Variants in SLC23A2 observed in about 807,000 individuals in gnomAD.
The protein encoded by SLC23A2 is solute carrier family 23 member 2.
SLC23A2 carries 36 observed loss-of-function variants against 73.3 expected under a neutral mutation model. The observed-to-expected ratio is 0.49, with a 90% CI of 0.38 to 0.65. The LOEUF (loss-of-function observed/expected upper bound fraction) is 0.65, where lower values mean the gene tolerates loss of function less well. Among genes scored for constraint, SLC23A2 ranks in the 30% least tolerant of loss-of-function variants. The pLI is 0.00. For missense variants in SLC23A2, 507 were observed against 841.6 expected (o/e 0.60, Z 4.92); for synonymous variants, 343 against 327.3 (o/e 1.05, Z -0.52).
In SLC23A2 at chr20:4,861,915, T is replaced by C. The variant is rs773503934; in HGVS notation, c.1624+33A>G. The C allele has an allele frequency of 3.7e-6, 6 of 1,609,474 alleles. No homozygotes were observed. The South Asian group carries it at 5.5e-5, about 15-fold the overall frequency. ...GTGGACTGGCGGCTGTGGTTCCAGC[T>C]CCCACTCCAAGATGTAAAGCCCATT... On this transcript the variant is annotated intron_variant, in intron 15 of 16. Transcript: ENST00000338244.
Position 4,854,223 on chromosome 20 carries a change from A to C in SLC23A2, c.*2749T>G, listed in dbSNP as rs1639967742. The C allele has an allele frequency of 6.6e-6, 1 of 152,256 alleles. No individual in the cohort carries two copies. Among genetic ancestry groups the C allele is most frequent in the Non-Finnish European group, 1.5e-5 (1 of 68,060 alleles). 9.4% of individuals were successfully genotyped at this position (152,256 alleles called of 1,614,324 possible). On this transcript the variant is annotated 3_prime_UTR_variant, in exon 17 of 17. Coordinates refer to ENST00000338244, the MANE Select transcript of SLC23A2 (RefSeq NM_005116.6). ...CCCAGCAACGCAGGCCAATGATGTG[A>C]ATGGGAAGTGTCATGACACAGACCG...
At chr20:4,942,374 C>CAAAAAAAAA (rs1216270773) in intron 2 of SLC23A2, among the ~76,000 whole-genome samples, 42 of 47,400 alleles carry the variant, frequency 8.9e-4, no homozygotes, top group African/African-American at 2.3e-3. Flanking sequence ...GCTACAGTCT[C>CAAAAAAAAA]AAAAAAAAAA....
At chr20:5,005,700 G>T (rs2088182903), upstream of SLC23A2, among the ~76,000 whole-genome samples, 1 of 152,172 alleles carries the variant, frequency 6.6e-6, no homozygotes, top group African/African-American at 2.4e-5. Context: ...CTTATATAAT[G>T]ATAGGGGCCA....
At chr20:4,913,419 A>C (rs1462541589) in intron 3 of SLC23A2, among the ~76,000 whole-genome samples, 1 of 152,212 alleles carries the variant, frequency 6.6e-6, no homozygotes, top group East Asian at 1.9e-4. Flanking sequence ...ACTCCTCGGT[A>C]AGGGGCCACA....
At chr20:4,993,857 G>A (rs1033623733) in intron 1 of SLC23A2, among the ~76,000 whole-genome samples, 1 of 152,124 alleles carries the variant, frequency 6.6e-6, no homozygotes, top group Non-Finnish European at 1.5e-5. Context: ...TTGAGCTCAA[G>A]AGTTCGAGAC....
At chr20:4,877,761 C>G (rs1005802174) in intron 9 of SLC23A2, among the ~76,000 whole-genome samples, 14 of 152,128 alleles carry the variant, frequency 9.2e-5, no homozygotes, top group African/African-American at 3.4e-4. Context: ...TTAAACTATT[C>G]TCTTCACTTC....
intron 2 of SLC23A2, among the ~76,000 whole-genome samples, chr20:4,951,544 G>A (rs375650882): frequency 5.3e-5 from 8 of 152,150 alleles, no homozygotes; most frequent in African/African-American, 1.9e-4. Context: ...CAGCTATGCT[G>A]TATGATTCCA....
rs192150226 is a variant in SLC23A2, at chr20:4,857,834, G to A, written c.1721-630C>T. Among the ~76,000 whole-genome samples, 93 of 152,198 alleles carry A rather than the reference G, an allele frequency of 6.1e-4. No homozygotes were observed. The highest frequency in any genetic ancestry group is 4.4e-3 in the Admixed American group (68 of 15,286). On this transcript the variant is annotated intron_variant, in intron 16 of 16. Coordinates refer to ENST00000338244, the MANE Select transcript of SLC23A2 (RefSeq NM_005116.6). The surrounding 1 kb of genome is among the most constrained non-coding windows in gnomAD (Gnocchi z 4.0). Reference sequence around the variant, plus strand: ...TAATCTTAACTACTCAGGAGGCTGAGACAGGAGAATTGCTTGAACCCGAGA... The same window carrying A: ...TAATCTTAACTACTCAGGAGGCTGAAACAGGAGAATTGCTTGAACCCGAGA...
chr20:4,982,262 G>C (rs1194004761), intron 1 of SLC23A2, among the ~76,000 whole-genome samples: 1 of 152,150 alleles, frequency 6.6e-6, no homozygotes, highest in Admixed American at 6.5e-5. Flanking sequence ...CAAAGCACTG[G>C]GATTACAGGC....
At chr20:4,984,914 G>A (rs1369055772) in intron 1 of SLC23A2, among the ~76,000 whole-genome samples, 9 of 152,132 alleles carry the variant, frequency 5.9e-5, no homozygotes, top group South Asian at 2.1e-4. Flanking sequence ...CAATGCGGGC[G>A]GATCATGAGG....
intron 2 of SLC23A2, among the ~76,000 whole-genome samples, chr20:4,967,356 TC>T (rs754168687): frequency 3.3e-5 from 5 of 152,198 alleles, no homozygotes; most frequent in Non-Finnish European, 7.3e-5. Context: ...CTGGTCTTAA[TC>T]CAACACTAAC....
intron 2 of SLC23A2, among the ~76,000 whole-genome samples, chr20:4,940,291 G>A (rs1269441913): frequency 6.6e-6 from 1 of 151,776 alleles, no homozygotes; most frequent in South Asian, 2.1e-4. Flanking sequence ...CTACAGCCTG[G>A]GTGGCAGAGT....
At chr20:5,007,124 G>A (rs1433567774) in intron 1 of SLC23A2, among the ~76,000 whole-genome samples, 2 of 152,060 alleles carry the variant, frequency 1.3e-5, no homozygotes, top group African/African-American at 2.4e-5. Flanking sequence ...TGTATACCAC[G>A]TAGGCTTCTC....
chr20:4,872,112 G>A lies in SLC23A2; in HGVS notation c.1102+1824C>T, dbSNP rs1930471570. Among the ~76,000 whole-genome samples, 1 of 152,006 alleles carries A rather than the reference G, an allele frequency of 6.6e-6. No homozygotes were observed. The highest frequency in any genetic ancestry group is 1.5e-5 in the Non-Finnish European group (1 of 68,012). The stretch of plus-strand genomic sequence containing the variant: ...ATTTAGTTTGTTACTTGACAGCAGG[G>A]TTTTTCAACCTCAGCACTGTTGACA... On this transcript the variant is annotated intron_variant, in intron 11 of 16. Transcript: ENST00000338244. The surrounding 1 kb of genome is among the most constrained non-coding windows in gnomAD (Gnocchi z 4.4).
chr20:4,869,921 A>AT lies in SLC23A2; in HGVS notation c.1234dup (p.Ile412AsnfsTer18). ...AGGAACGTACCTGTTTATTGCGTGG[A>AT]TGGGGGGGGGTGGGGCACAGGACAG... On this transcript the variant is annotated frameshift_variant, in exon 12 of 17. Transcript: ENST00000338244. LOFTEE classifies it high-confidence loss of function. 1.8e-6 allele frequency: 2 copies of AT among 1,114,812 alleles called. No individual in the cohort carries two copies. Among genetic ancestry groups the AT allele is most frequent in the Non-Finnish European group, 2.7e-6 (2 of 749,370 alleles). 69.1% of individuals were successfully genotyped at this position (1,114,812 alleles called of 1,614,324 possible).
chr20:4,968,024 A>G (rs2087501554), intron 2 of SLC23A2, among the ~76,000 whole-genome samples: 1 of 152,200 alleles, frequency 6.6e-6, no homozygotes, highest in Admixed American at 6.5e-5. Flanking sequence ...GACACCAACC[A>G]TCCAACTAGA....
chr20:4,949,599 G>T (rs903869664), intron 2 of SLC23A2, among the ~76,000 whole-genome samples: 1 of 152,020 alleles, frequency 6.6e-6, no homozygotes, highest in Non-Finnish European at 1.5e-5. Context: ...TAGTAATGCA[G>T]CTGTGCAAAA....
At chr20:4,870,144 ACT>A in intron 11 of SLC23A2, 91 bp from the exon 12 acceptor site, 1 of 1,057,390 alleles carries the variant, frequency 9.5e-7, no homozygotes. Flanking sequence ...ACGCTGCAAG[ACT>A]CTACAAGATC....
At chr20:4,867,625 TAAAAA>T (rs11476144) in intron 13 of SLC23A2, 140 bp downstream of exon 13, 161 of 295,950 alleles carry the variant, frequency 5.4e-4, no homozygotes, top group African/African-American at 8.7e-4. Flanking sequence ...TATAAACACT[TAAAAA>T]AAAAAAAAAA....
Sources: gnomAD v4.1 joint callset for allele counts (sites outside exome capture counted in the v4.1 genomes callset) on GRCh38, gnomAD v4.1.1 for gene constraint, Gnocchi (gnomAD v3.1) non-coding constraint, MANE v1.5 for transcripts, NCBI Gene and HGNC (gene_info 2026-07-23, HGNC 2026-07-21) for gene names.